The following KCNMA1 variants were observed in gnomAD, a reference collection of about 807,000 sequenced individuals.
KCNMA1 encodes potassium calcium-activated channel subfamily M alpha 1, also known as Calcium-activated potassium channel subunit alpha-1.
KCNMA1 carries 29 observed loss-of-function variants against 140.0 expected under a neutral mutation model. The ratio of observed to expected loss-of-function variants is 0.21; its 90% CI spans 0.15 to 0.28. The LOEUF is 0.28. Ranked by LOEUF, KCNMA1 falls within the 10% of genes least tolerant of loss-of-function variation. The pLI, the probability that KCNMA1 is intolerant of heterozygous loss-of-function variation, is 1.00. For synonymous variants in KCNMA1, 612 were observed against 611.9 expected (o/e 1.00, Z 0.00); for missense variants, 880 against 1,602.2 (o/e 0.55, Z 7.70).
At chr10:77,089,589 T>C (rs115721148) in intron 10 of KCNMA1, among the ~76,000 whole-genome samples, 2,768 of 152,288 alleles carry the variant, frequency 0.018, 78 homozygotes, top group African/African-American at 0.062. Flanking sequence ...AAGACCTACC[T>C]CCTAAGTGGA....
chr10:77,082,809 CCTCA>C (rs1337548713), intron 12 of KCNMA1, among the ~76,000 whole-genome samples: 1 of 152,146 alleles, frequency 6.6e-6, no homozygotes, highest in Non-Finnish European at 1.5e-5. Context: ...CTTAAAATGA[CCTCA>C]CTAAGCATAT....
intron 2 of KCNMA1, among the ~76,000 whole-genome samples, chr10:77,255,630 T>G (rs1238355824): frequency 6.8e-6 from 1 of 146,102 alleles, no homozygotes; most frequent in Non-Finnish European, 1.5e-5. Flanking sequence ...AATATAAAAG[T>G]GGGCTGGGCA....
chr10:77,366,657 A>T (rs768254378), intron 2 of KCNMA1, among the ~76,000 whole-genome samples: 2 of 152,184 alleles, frequency 1.3e-5, no homozygotes, highest in Non-Finnish European at 2.9e-5. Context: ...TGATGGTGAT[A>T]CTGGGGAGAT....
chr10:77,111,581 C>T (rs544246782), intron 7 of KCNMA1, among the ~76,000 whole-genome samples: 11 of 152,292 alleles, frequency 7.2e-5, no homozygotes, highest in African/African-American at 2.4e-4. Flanking sequence ...CTGGTGACTA[C>T]GTGAGGCCCC....
intron 6 of KCNMA1, among the ~76,000 whole-genome samples, chr10:77,116,901 C>T (rs966158609): frequency 2.6e-5 from 4 of 152,184 alleles, no homozygotes; most frequent in African/African-American, 7.2e-5. Flanking sequence ...AATCCTTCAA[C>T]AGCTCTCATT....
At chr10:76,991,566 A>T (rs1307059574) in intron 19 of KCNMA1, among the ~76,000 whole-genome samples, 1 of 152,170 alleles carries the variant, frequency 6.6e-6, no homozygotes, top group African/African-American at 2.4e-5. Flanking sequence ...AGCTTCATGG[A>T]TCTAGGGCGA....
intron 1 of KCNMA1, among the ~76,000 whole-genome samples, chr10:77,412,065 A>G (rs1307255300): frequency 6.6e-6 from 1 of 152,170 alleles, no homozygotes; most frequent in Non-Finnish European, 1.5e-5. Flanking sequence ...AGGGAACAGG[A>G]GAGATCAGGT....
chr10:77,150,170 G>C (rs992162077), intron 5 of KCNMA1: 1 of 152,140 alleles, frequency 6.6e-6, no homozygotes, highest in Non-Finnish European at 1.5e-5. Context: ...CACCATACTC[G>C]CATTGTTGCT....
At chr10:77,215,871 C>A (rs866076115) in intron 3 of KCNMA1, among the ~76,000 whole-genome samples, 4 of 151,326 alleles carry the variant, frequency 2.6e-5, no homozygotes, top group Admixed American at 6.6e-5. Flanking sequence ...GCCCCTCCCC[C>A]CCACCTGTCT....
chr10:77,470,666 C>A (rs1351413146), intron 1 of KCNMA1, among the ~76,000 whole-genome samples: 1 of 152,218 alleles, frequency 6.6e-6, no homozygotes, highest in African/African-American at 2.4e-5. Flanking sequence ...CCTGATCATA[C>A]TGAACGAGTA....
chr10:77,396,294 A>T (rs2154449751), intron 2 of KCNMA1, among the ~76,000 whole-genome samples: 1 of 152,300 alleles, frequency 6.6e-6, no homozygotes, highest in African/African-American at 2.4e-5. Flanking sequence ...ATATAATAAA[A>T]GCTGGGGCAT....
At chr10:77,240,537 T>C (rs534411076) in intron 3 of KCNMA1, among the ~76,000 whole-genome samples, 1 of 152,176 alleles carries the variant, frequency 6.6e-6, no homozygotes, top group Non-Finnish European at 1.5e-5. Context: ...CAGTTTAGAA[T>C]AGAGGCTGAA....
intron 1 of KCNMA1, among the ~76,000 whole-genome samples, chr10:77,488,784 G>GAC (rs906976976): frequency 9.9e-5 from 15 of 152,066 alleles, no homozygotes; most frequent in Non-Finnish European, 8.8e-5. Flanking sequence ...AAGTGCAGAG[G>GAC]ACACTCTGTT....
chr10:77,529,857 C>G (rs1481538127), intron 1 of KCNMA1, among the ~76,000 whole-genome samples: 1 of 152,106 alleles, frequency 6.6e-6, no homozygotes, highest in Non-Finnish European at 1.5e-5. Flanking sequence ...GAGTGGACAG[C>G]CTGGCCTTGG....
At chr10:77,310,764 G>A (rs1324005449) in intron 2 of KCNMA1, among the ~76,000 whole-genome samples, 1 of 152,174 alleles carries the variant, frequency 6.6e-6, no homozygotes, top group African/African-American at 2.4e-5. Context: ...ATTTTTATAA[G>A]TAAGAGGGGT....
At chr10:77,388,976 A>C (rs548707296) in intron 2 of KCNMA1, among the ~76,000 whole-genome samples, 1 of 152,224 alleles carries the variant, frequency 6.6e-6, no homozygotes, top group Non-Finnish European at 1.5e-5. Flanking sequence ...CTGGTTTGCA[A>C]ACTAGGCACA....
At chr10:76,989,830 T>G (rs1592925554) in intron 19 of KCNMA1, among the ~76,000 whole-genome samples, 4 of 152,152 alleles carry the variant, frequency 2.6e-5, no homozygotes, top group Admixed American at 2.6e-4. Context: ...AAGCACTAGT[T>G]ATGGTTAAAG....
intron 1 of KCNMA1, among the ~76,000 whole-genome samples, chr10:77,553,233 T>A (rs988904673): frequency 6.6e-6 from 1 of 152,146 alleles, no homozygotes; most frequent in African/African-American, 2.4e-5. Context: ...TTCTTTTTTT[T>A]CCCCCGTGGG....
chr10:77,073,823 C>T (rs1283399512), intron 13 of KCNMA1, among the ~76,000 whole-genome samples: 4 of 152,134 alleles, frequency 2.6e-5, no homozygotes, highest in African/African-American at 7.2e-5. Flanking sequence ...CGCTGTTGAT[C>T]TAGGGGCCAC....
Sources: gnomAD v4.1 joint callset for allele counts (sites outside exome capture counted in the v4.1 genomes callset) on GRCh38, gnomAD v4.1.1 for gene constraint, MANE v1.5 for transcripts, NCBI Gene and HGNC (gene_info 2026-07-23, HGNC 2026-07-21) for gene names.